WNK1: variants seen among roughly 807,000 people sequenced by gnomAD.
WNK1 encodes the protein WNK lysine deficient protein kinase 1.
WNK1 carries 38 observed loss-of-function variants against 222.8 expected under a neutral mutation model. The observed-to-expected ratio is 0.17, with a 90% CI of 0.13 to 0.22. WNK1 has a LOEUF of 0.22. Among genes scored for constraint, WNK1 ranks in the 10% least tolerant of loss-of-function variants. The pLI is 1.00. For missense variants in WNK1, 2,348 were observed against 2,918.4 expected, an observed-to-expected ratio of 0.80 and a Z score of 4.50; for synonymous variants, 1,090 against 1,092.9, an observed-to-expected ratio of 1.00 and a Z score of 0.05.
In WNK1 at chr12:894,255, A is replaced by G. The variant is rs115570118; in HGVS notation, c.5510-307A>G. ...ATGGGTCCTTAATGTCCTCAGTAAAATCTCATCCTTCATTTCACTTACTTA... is the reference window on the plus strand; with the variant it reads ...ATGGGTCCTTAATGTCCTCAGTAAAGTCTCATCCTTCATTTCACTTACTTA... On this transcript the variant is annotated intron_variant, in intron 22 of 27. Coordinates refer to ENST00000315939, the MANE Select transcript of WNK1 (RefSeq NM_018979.4). Among the ~76,000 whole-genome samples the G allele has an allele frequency of 5.9e-3, 896 of 152,314 alleles. 11 individuals carry two copies. The highest frequency in any genetic ancestry group is 0.021 in the African/African-American group (859 of 41,558).
intron 2 of WNK1, among the ~76,000 whole-genome samples, chr12:822,512 C>T (rs940297069): frequency 3.3e-5 from 5 of 152,028 alleles, no homozygotes; most frequent in African/African-American, 9.7e-5. Context: ...ATTCCTTTCT[C>T]ATTTCCTTTT....
At chr12:787,125 C>G (rs372021527) in intron 1 of WNK1, among the ~76,000 whole-genome samples, 1 of 152,056 alleles carries the variant, frequency 6.6e-6, no homozygotes, top group Non-Finnish European at 1.5e-5. Context: ...TTTTAAAACA[C>G]CTACATATTA....
chr12:771,917 T>C (rs1478259873), intron 1 of WNK1, among the ~76,000 whole-genome samples: 1 of 152,178 alleles, frequency 6.6e-6, no homozygotes, highest in African/African-American at 2.4e-5. Flanking sequence ...CCCAAAGTAT[T>C]GGGATTACAG....
intron 4 of WNK1, among the ~76,000 whole-genome samples, chr12:835,617 GT>G (rs1323694698): frequency 4.0e-5 from 6 of 151,810 alleles, no homozygotes; most frequent in African/African-American, 1.5e-4. Context: ...CTCACCTGGA[GT>G]TTACATTCAG....
At position 880,913 on chromosome 12, in the gene WNK1, G is replaced by T; in HGVS notation, c.3025G>T (p.Gly1009Cys). ...ATCAAATCTTTTAGTTCCTATGGGT[G>T]GTGTAGGAGGACAGGTTCAAGTGTC... ...VESNLLVPMG[G>C]VGGQVQVSQP... Residue 1009 changes from glycine to cysteine, a missense_variant, in exon 12 of 28, where the codon GGT becomes TGT. This residue lies in a region of WNK1 where 547 missense variants were observed against 558.3 expected (regional missense o/e 0.98). Coordinates refer to ENST00000315939, the MANE Select transcript of WNK1 (RefSeq NM_018979.4). 6.2e-7 allele frequency: 1 copy of T among 1,614,116 alleles called. No individual in the cohort carries two copies. The highest frequency in any genetic ancestry group is 8.5e-7 in the Non-Finnish European group (1 of 1,180,022).
intron 2 of WNK1, among the ~76,000 whole-genome samples, chr12:824,505 A>G (rs1267151669): frequency 6.6e-6 from 1 of 152,086 alleles, no homozygotes; most frequent in African/African-American, 2.4e-5. Flanking sequence ...GAATCATAAT[A>G]TATGTGTAAT....
In WNK1 at chr12:753,351, C is replaced by G; in HGVS notation, c.-215C>G. 1.6e-6 allele frequency: 1 copy of G among 619,546 alleles called. No individual in the cohort carries two copies. The highest frequency in any genetic ancestry group is 2.0e-5 in the South Asian group (1 of 49,802). 38.4% of individuals were successfully genotyped at this position (619,546 alleles called of 1,614,324 possible). Reference sequence around the variant, plus strand: ...CCCGCCTTCGAGCCCTCCTCGTGAGCCGCAGCAGCCTCGGTGCCAGCCCCC... The same window carrying G: ...CCCGCCTTCGAGCCCTCCTCGTGAGGCGCAGCAGCCTCGGTGCCAGCCCCC... On this transcript the variant is annotated 5_prime_UTR_variant, in exon 1 of 28. Coordinates refer to ENST00000315939, the MANE Select transcript of WNK1 (RefSeq NM_018979.4). The surrounding 1 kb of genome is among the most constrained non-coding windows in gnomAD (Gnocchi z 5.2).
In WNK1 at chr12:844,221, T is replaced by C. The variant is rs981260100; in HGVS notation, c.1312-12940T>C. Among the ~76,000 whole-genome samples, 3 of 152,180 alleles carry C rather than the reference T, an allele frequency of 2.0e-5. No homozygotes were observed. The South Asian group carries it at 6.2e-4, about 32-fold the overall frequency. The stretch of plus-strand genomic sequence containing the variant: ...ATCTTGGCTCCCTGCAACCTACGCC[T>C]CCTGGGTTCAAGTGATTCTCCCGCT... On this transcript the variant is annotated intron_variant, in intron 4 of 27. Coordinates refer to ENST00000315939, the MANE Select transcript of WNK1 (RefSeq NM_018979.4).
At chr12:877,749 A>G (rs1422684538) in intron 9 of WNK1, among the ~76,000 whole-genome samples, 6 of 152,226 alleles carry the variant, frequency 3.9e-5, no homozygotes, top group Admixed American at 6.5e-5. Flanking sequence ...AATCAAAGCT[A>G]TTCTTCAAGC....
chr12:862,955 C>A (rs1054408393), intron 8 of WNK1, among the ~76,000 whole-genome samples: 1 of 152,142 alleles, frequency 6.6e-6, no homozygotes, highest in African/African-American at 2.4e-5. Context: ...TACACACACA[C>A]AATTATCCTG....
At chr12:846,780 T>C (rs2154051029) in intron 4 of WNK1, among the ~76,000 whole-genome samples, 1 of 152,312 alleles carries the variant, frequency 6.6e-6, no homozygotes, top group African/African-American at 2.4e-5. Flanking sequence ...CTTTTAGTTT[T>C]TATATAACAG....
intron 1 of WNK1, among the ~76,000 whole-genome samples, chr12:782,840 AC>A (rs1229790061): frequency 6.6e-6 from 1 of 151,848 alleles, no homozygotes; most frequent in African/African-American, 2.4e-5. Context: ...TTAAAAAAAA[AC>A]AGGTGGAATT....
At chr12:887,451 AG>A in intron 20 of WNK1, 147 bp downstream of exon 20, 1 of 759,622 alleles carries the variant, frequency 1.3e-6, no homozygotes, top group South Asian at 1.6e-5. Context: ...CCAATGACCC[AG>A]TTCCTACTTA....
At chr12:867,696 T>C in intron 8 of WNK1, 1 of 750,944 alleles carries the variant, frequency 1.3e-6, no homozygotes, top group Non-Finnish European at 2.2e-6. Context: ...TGGATGTATT[T>C]AATGGATTTT....
intron 1 of WNK1, among the ~76,000 whole-genome samples, chr12:777,165 T>G (rs532837057): frequency 5.3e-5 from 8 of 150,818 alleles, no homozygotes; most frequent in East Asian, 1.9e-4. Flanking sequence ...TTTGTTTTTT[T>G]TTTTGTTTTT....
chr12:851,232 C>CA (rs1402841894), intron 4 of WNK1, among the ~76,000 whole-genome samples: 3 of 152,090 alleles, frequency 2.0e-5, no homozygotes, highest in African/African-American at 7.2e-5. Context: ...TCATTGAACT[C>CA]AATCCCTTTT....
chr12:765,422 TG>T (rs1426899326), intron 1 of WNK1, among the ~76,000 whole-genome samples: 1 of 147,344 alleles, frequency 6.8e-6, no homozygotes, highest in African/African-American at 2.4e-5. Flanking sequence ...GGTGTGCATC[TG>T]TAACCCCAGC....
chr12:900,454 A>G (rs780433329), intron 25 of WNK1, 22 bp from the exon 26 acceptor site: 29 of 1,613,978 alleles, frequency 1.8e-5, no homozygotes, highest in Non-Finnish European at 2.4e-5. Context: ...ATGTTTCCTC[A>G]TGCCACTTTA....
At chr12:900,967 A>G (rs1955208522) in intron 26 of WNK1, 1 of 443,400 alleles carries the variant, frequency 2.3e-6, no homozygotes, top group South Asian at 2.2e-5. Flanking sequence ...TTAGGCTGAG[A>G]TTTCCTGGAT....
Sources: gnomAD v4.1 joint callset for allele counts (sites outside exome capture counted in the v4.1 genomes callset) on GRCh38, gnomAD v4.1.1 for gene constraint, gnomAD v4.1.1 regional missense constraint, Gnocchi (gnomAD v3.1) non-coding constraint, MANE v1.5 for transcripts, NCBI Gene and HGNC (gene_info 2026-07-23, HGNC 2026-07-21) for gene names.